MRAP2: variants seen among roughly 807,000 people sequenced by gnomAD.
MRAP2 encodes the protein melanocortin-2 receptor accessory protein 2.
In MRAP2, 20 loss-of-function variants were observed where a neutral mutation model predicts 17.4. The observed-to-expected ratio is 1.15, with a 90% CI of 0.81 to 1.67. MRAP2 has a LOEUF of 1.67. MRAP2 is among the 40% of genes most tolerant of loss of function. The pLI, the probability that MRAP2 is intolerant of heterozygous loss-of-function variation, is 0.00. For missense variants in MRAP2, 238 were observed against 240.0 expected, an observed-to-expected ratio of 0.99 and a Z score of 0.05; for synonymous variants, 96 against 88.4, an observed-to-expected ratio of 1.09 and a Z score of -0.48.
At chr6:84,136,791 A>C in the MRAP2 span, among the ~76,000 whole-genome samples, 1 of 152,244 alleles carries the variant, frequency 6.6e-6, no homozygotes, top group Non-Finnish European at 1.5e-5. Flanking sequence ...GTTTAAAGAC[A>C]CTAGAAGTGG....
chr6:84,116,988 C>T, the MRAP2 span, among the ~76,000 whole-genome samples: 3 of 151,696 alleles, frequency 2.0e-5, no homozygotes, highest in Non-Finnish European at 4.4e-5. Context: ...TCCCTTCTTC[C>T]CTTCCCTTTT....
the MRAP2 span, among the ~76,000 whole-genome samples, chr6:84,122,352 CA>C: frequency 0.031 from 1,122 of 36,104 alleles, 5 homozygotes; most frequent in African/African-American, 0.099. Flanking sequence ...ACAGCACATC[CA>C]AAAAAAAAAA....
chr6:84,051,983 T>C (rs2099490543), intron 1 of MRAP2, among the ~76,000 whole-genome samples: 2 of 152,348 alleles, frequency 1.3e-5, no homozygotes, highest in South Asian at 4.1e-4. Context: ...GTAAGCTTCC[T>C]TTCAGGGCTA....
chr6:84,132,717 T>C, the MRAP2 span, among the ~76,000 whole-genome samples: 2 of 152,166 alleles, frequency 1.3e-5, no homozygotes, highest in African/African-American at 4.8e-5. Flanking sequence ...GTCTTCTCTA[T>C]GCTGTTTATT....
the MRAP2 span, among the ~76,000 whole-genome samples, chr6:84,135,737 C>A: frequency 6.6e-6 from 1 of 152,084 alleles, no homozygotes; most frequent in African/African-American, 2.4e-5. Context: ...ATGGCACAAT[C>A]CTGTAATCCC....
chr6:84,082,445 C>G (rs898581627), intron 3 of MRAP2, among the ~76,000 whole-genome samples: 6 of 152,140 alleles, frequency 3.9e-5, no homozygotes, highest in Non-Finnish European at 8.8e-5. Flanking sequence ...CATGCTTAAG[C>G]CTTTAGTTTT....
At chr6:84,064,206 A>G (rs1004746313) in intron 3 of MRAP2, among the ~76,000 whole-genome samples, 2 of 150,844 alleles carry the variant, frequency 1.3e-5, no homozygotes, top group Non-Finnish European at 3.0e-5. Context: ...CACAGCTGGA[A>G]CCCTGGAGTC....
intron 3 of MRAP2, among the ~76,000 whole-genome samples, chr6:84,081,332 G>C (rs1444879190): frequency 1.3e-5 from 2 of 152,202 alleles, no homozygotes; most frequent in Admixed American, 1.3e-4. Context: ...GTTTGAATGT[G>C]ACTGTTTATG....
chr6:84,130,104 A>G, the MRAP2 span, among the ~76,000 whole-genome samples: 99 of 152,332 alleles, frequency 6.5e-4, no homozygotes, highest in African/African-American at 2.3e-3. Context: ...CCTCTTCTGC[A>G]TCTATAGAGA....
At chr6:84,038,659 T>C (rs755569797) in intron 1 of MRAP2, among the ~76,000 whole-genome samples, 86 of 151,904 alleles carry the variant, frequency 5.7e-4, no homozygotes, top group Non-Finnish European at 1.1e-3. Flanking sequence ...GCCCAGCTAA[T>C]TAAAAAAACT....
the MRAP2 span, among the ~76,000 whole-genome samples, chr6:84,121,115 T>A: frequency 6.6e-6 from 1 of 151,514 alleles, no homozygotes; most frequent in Non-Finnish European, 1.5e-5. Context: ...CTTACTCTGT[T>A]CCAGGCTGAA....
Position 84,089,135 on chromosome 6 carries a change from T to C in MRAP2, c.272T>C (p.Val91Ala), listed in dbSNP as rs1373280069. 5 of 1,614,068 alleles carry C rather than the reference T, an allele frequency of 3.1e-6. No individual in the cohort carries two copies. Among genetic ancestry groups the C allele is most frequent in the Non-Finnish European group, 4.2e-6 (5 of 1,180,032 alleles). Residue 91 changes from valine to alanine, a missense_variant, in exon 4 of 4, where the codon GTG (valine) becomes GCG (alanine). By Grantham distance (64) the Val-to-Ala change is moderately conservative (BLOSUM62 0). Transcript: ENST00000257776. The part of the protein sequence containing the change: ...SEKRFRMNSF[V>A]SDFGRPLEPD... Reference sequence around the variant, plus strand: ...AAGAGATTCAGAATGAACAGCTTTGTGTCAGACTTTGGAAGACCTCTGGAG... The same window carrying C: ...AAGAGATTCAGAATGAACAGCTTTGCGTCAGACTTTGGAAGACCTCTGGAG...
chr6:84,137,209 C>A, the MRAP2 span, among the ~76,000 whole-genome samples: 1 of 152,296 alleles, frequency 6.6e-6, no homozygotes, highest in African/African-American at 2.4e-5. Context: ...AAGAGAAATG[C>A]GTCATGCTGC....
intron 1 of MRAP2, among the ~76,000 whole-genome samples, chr6:84,040,503 G>A (rs189076725): frequency 1.3e-5 from 2 of 152,276 alleles, no homozygotes; most frequent in East Asian, 3.9e-4. Context: ...GGAAAATGTG[G>A]GCAAGTTTGG....
the MRAP2 span, among the ~76,000 whole-genome samples, chr6:84,141,253 AT>A: frequency 0.25 from 36,939 of 150,634 alleles, 9,953 homozygotes; most frequent in African/African-American, 0.68. Context: ...TCAAAAAATG[AT>A]TTTTTTTTTC....
the MRAP2 span, among the ~76,000 whole-genome samples, chr6:84,101,453 C>T: frequency 6.6e-6 from 1 of 152,102 alleles, no homozygotes. Flanking sequence ...TCAGCTTTCC[C>T]ATCCCACTCA....
chr6:84,060,247 C>G (rs1357259066), intron 2 of MRAP2, among the ~76,000 whole-genome samples: 1 of 152,222 alleles, frequency 6.6e-6, no homozygotes, highest in Non-Finnish European at 1.5e-5. Flanking sequence ...CTCCCCAACT[C>G]TGCCGCCACC....
chr6:84,089,581 G>A lies in MRAP2; in HGVS notation c.*100G>A, dbSNP rs7450001. On this transcript the variant is annotated 3_prime_UTR_variant, in exon 4 of 4. Transcript: ENST00000257776. ...AAATTGTGTGTGTTTGGGGGAGAGA[G>A]AGACATAGAGATAGAGACAGAGAGG... The A allele has an allele frequency of 0.13, 175,258 of 1,344,348 alleles. 11,925 individuals are homozygous for A. Among genetic ancestry groups the A allele is most frequent in the Middle Eastern group, 0.16 (662 of 4,218 alleles). The allele number at this position is 1,344,348 out of a possible 1,614,324, so 83.3% of individuals were successfully genotyped here.
the MRAP2 span, among the ~76,000 whole-genome samples, chr6:84,099,442 C>T: frequency 6.6e-6 from 1 of 151,872 alleles, no homozygotes; most frequent in Non-Finnish European, 1.5e-5. Flanking sequence ...GGATATTTGC[C>T]CCCTCCAAAT....
Sources: allele counts gnomAD v4.1 joint callset (sites outside exome capture counted in the v4.1 genomes callset), GRCh38; gene constraint gnomAD v4.1.1; transcripts MANE v1.5; gene names NCBI Gene and HGNC (gene_info 2026-07-23, HGNC 2026-07-21).